The following CNTNAP5 variants were observed in gnomAD, a reference collection of about 807,000 sequenced individuals.
CNTNAP5 encodes the protein contactin associated protein family member 5.
A neutral mutation model predicts 150.2 loss-of-function variants in CNTNAP5; 72 were observed. That is an observed-to-expected ratio of 0.48 (90% CI 0.40 to 0.58). The LOEUF is 0.58. CNTNAP5 is among the 20% of genes least tolerant of loss of function. The pLI is 0.00. For synonymous variants in CNTNAP5, 672 were observed against 619.8 expected (o/e 1.08, Z -1.25); for missense variants, 1,636 against 1,626.2 (o/e 1.01, Z -0.10).
chr2:124,135,978 G>A (rs1180878698), intron 1 of CNTNAP5, among the ~76,000 whole-genome samples: 2 of 152,272 alleles, frequency 1.3e-5, no homozygotes, highest in South Asian at 4.1e-4. Flanking sequence ...TCTTGTGGTG[G>A]CGTTGAACCT....
At chr2:124,322,286 C>A (rs547421607) in intron 3 of CNTNAP5, among the ~76,000 whole-genome samples, 1 of 152,070 alleles carries the variant, frequency 6.6e-6, no homozygotes, top group East Asian at 1.9e-4. Flanking sequence ...TATTCTCATT[C>A]GACAGATGAC....
At chr2:124,447,213 A>G (rs1344347338) in intron 6 of CNTNAP5, among the ~76,000 whole-genome samples, 2 of 151,664 alleles carry the variant, frequency 1.3e-5, no homozygotes, top group Non-Finnish European at 2.9e-5. Context: ...TCCTGCGTGT[A>G]GACTTTCTGT....
chr2:124,641,204 C>A (rs1678087015), intron 12 of CNTNAP5, among the ~76,000 whole-genome samples: 1 of 151,154 alleles, frequency 6.6e-6, no homozygotes, highest in Non-Finnish European at 1.5e-5. Flanking sequence ...CTCAGTTCAA[C>A]CCTATGCTTT....
At chr2:124,240,161 A>G (rs1389497333) in intron 2 of CNTNAP5, among the ~76,000 whole-genome samples, 2 of 152,196 alleles carry the variant, frequency 1.3e-5, no homozygotes, top group Non-Finnish European at 2.9e-5. Context: ...TTATTCAAGT[A>G]GACAAAATTG....
intron 11 of CNTNAP5, among the ~76,000 whole-genome samples, chr2:124,567,835 T>TGATA (rs10685444): frequency 0.14 from 19,140 of 132,688 alleles, 1,225 homozygotes; most frequent in Middle Eastern, 0.16. Context: ...AGGGCATAGA[T>TGATA]GATAGATAGA....
chr2:124,702,321 A>G (rs1679538505), intron 13 of CNTNAP5, among the ~76,000 whole-genome samples: 1 of 116,446 alleles, frequency 8.6e-6, no homozygotes, highest in Non-Finnish European at 1.7e-5. Flanking sequence ...AAGAATTATG[A>G]TGTCCTTCTG....
chr2:124,184,694 T>A lies in CNTNAP5; in HGVS notation c.83-37011T>A, dbSNP rs536687022. ...TGCTATTTATTACATTGTGCTAAAG[T>A]GCAGGATGTGGACAACTTTGTTACC... is the stretch of plus-strand genomic sequence containing the variant. On this transcript the variant is annotated intron_variant, in intron 1 of 23. Transcript: ENST00000682447. 9.9e-5 allele frequency among the ~76,000 whole-genome samples: 15 copies of A among 152,272 alleles called. No individual in the cohort carries two copies. The East Asian group carries it at 2.7e-3, about 28-fold the overall frequency.
chr2:124,191,209 A>T (rs1019776820), intron 1 of CNTNAP5, among the ~76,000 whole-genome samples: 1 of 152,168 alleles, frequency 6.6e-6, no homozygotes, highest in Non-Finnish European at 1.5e-5. Flanking sequence ...TACCCATCTC[A>T]TCAGGCCAAC....
Position 124,504,553 on chromosome 2 carries a change from A to G in CNTNAP5, c.1324A>G (p.Thr442Ala), listed in dbSNP as rs767133809. The part of the protein sequence containing the change: ...KMTERVAEIL[T>A]GSNLNDGLWH... ...GACAGAACGCGTAGCTGAAATCCTC[A>G]CAGGTACTGTCTGCTGACACTCTGG... The change falls in exon 8 of 24, where the codon ACA becomes GCA. Residue 442 changes from threonine to alanine, a missense_variant. By Grantham distance (58) the Thr-to-Ala change is moderately conservative (BLOSUM62 0). Transcript: ENST00000682447. The G allele has an allele frequency of 6.2e-7, 1 of 1,613,326 alleles. No individual in the cohort carries two copies. Among genetic ancestry groups the G allele is most frequent in the South Asian group, 1.1e-5 (1 of 91,020 alleles).
chr2:124,120,101 G>T (rs964827297), intron 1 of CNTNAP5, among the ~76,000 whole-genome samples: 10 of 152,158 alleles, frequency 6.6e-5, no homozygotes, highest in Non-Finnish European at 1.5e-5. Flanking sequence ...TCTGGGGATA[G>T]AGCACCAGCC....
intron 3 of CNTNAP5, among the ~76,000 whole-genome samples, chr2:124,246,020 C>T (rs796251993): frequency 4.6e-5 from 7 of 152,158 alleles, no homozygotes; most frequent in African/African-American, 1.2e-4. Flanking sequence ...CAGGCTTGAG[C>T]CACCGCACCT....
intron 1 of CNTNAP5, among the ~76,000 whole-genome samples, chr2:124,093,447 AG>A (rs1157978538): frequency 6.6e-6 from 1 of 152,258 alleles, no homozygotes; most frequent in African/African-American, 2.4e-5. Context: ...TGATTGTTAA[AG>A]CACAGACAAC....
chr2:124,382,577 G>A (rs532249945), intron 3 of CNTNAP5, among the ~76,000 whole-genome samples: 190 of 152,172 alleles, frequency 1.2e-3, no homozygotes, highest in African/African-American at 4.3e-3. Flanking sequence ...CAATCATTGT[G>A]GGTTTTTGCA....
At chr2:124,394,468 A>G (rs142434570) in intron 3 of CNTNAP5, among the ~76,000 whole-genome samples, 2 of 152,262 alleles carry the variant, frequency 1.3e-5, no homozygotes, top group East Asian at 3.9e-4. Context: ...TGAATGAATG[A>G]GACATCCCTG....
At chr2:124,509,218 T>G (rs1200750586) in intron 8 of CNTNAP5, among the ~76,000 whole-genome samples, 2 of 152,196 alleles carry the variant, frequency 1.3e-5, no homozygotes, top group Non-Finnish European at 2.9e-5. Context: ...TTAGGGATTT[T>G]TGCATTGAAG....
intron 3 of CNTNAP5, among the ~76,000 whole-genome samples, chr2:124,372,016 T>C (rs915600298): frequency 1.3e-5 from 2 of 151,978 alleles, no homozygotes; most frequent in Non-Finnish European, 2.9e-5. Flanking sequence ...TGTGAGTCAG[T>C]AGACAGGGAG....
intron 17 of CNTNAP5, among the ~76,000 whole-genome samples, chr2:124,774,545 A>G (rs1331088618): frequency 6.6e-6 from 1 of 152,226 alleles, no homozygotes; most frequent in East Asian, 1.9e-4. Context: ...ATGTGATATG[A>G]TTCACTATTA....
chr2:124,701,767 G>A (rs1679526049), intron 13 of CNTNAP5, among the ~76,000 whole-genome samples: 1 of 152,052 alleles, frequency 6.6e-6, no homozygotes, highest in Non-Finnish European at 1.5e-5. Flanking sequence ...GATGATGAAT[G>A]ATGCTGAGCA....
intron 19 of CNTNAP5, among the ~76,000 whole-genome samples, chr2:124,854,949 G>C (rs1472854060): frequency 1.3e-5 from 2 of 152,092 alleles, no homozygotes; most frequent in Non-Finnish European, 2.9e-5. Flanking sequence ...AGGCAAGTAG[G>C]TGTTTTCAGC....
Sources: allele counts gnomAD v4.1 joint callset (sites outside exome capture counted in the v4.1 genomes callset), GRCh38; gene constraint gnomAD v4.1.1; transcripts MANE v1.5; gene names NCBI Gene and HGNC (gene_info 2026-07-23, HGNC 2026-07-21).